Variants in TLE3 observed in about 807,000 individuals in gnomAD.
The protein encoded by TLE3 is transducin-like enhancer protein 3.
TLE3 carries 14 observed loss-of-function variants against 93.0 expected under a neutral mutation model. The observed-to-expected ratio is 0.15, with a 90% CI of 0.10 to 0.24. TLE3 has a LOEUF of 0.24. Among genes scored for constraint, TLE3 ranks in the 10% least tolerant of loss-of-function variants. TLE3 has a pLI of 1.00. For synonymous variants in TLE3, 451 were observed against 425.0 expected, an observed-to-expected ratio of 1.06 and a Z score of -0.75; for missense variants, 693 against 1,046.6, an observed-to-expected ratio of 0.66 and a Z score of 4.66.
intron 4 of TLE3, among the ~76,000 whole-genome samples, chr15:70,093,392 T>C (rs1334587986): frequency 6.6e-6 from 1 of 152,226 alleles, no homozygotes; most frequent in Non-Finnish European, 1.5e-5. Context: ...CAGGGTCACC[T>C]GCCCTTCTCA....
At chr15:70,076,229 G>A in intron 4 of TLE3, 71 bp from the exon 5 acceptor site, 1 of 1,415,180 alleles carries the variant, frequency 7.1e-7, no homozygotes, top group Non-Finnish European at 9.9e-7. Flanking sequence ...TAGGCAAGTG[G>A]AAATGCAAAC....
intron 2 of TLE3, 130 bp downstream of exon 2, chr15:70,096,031 A>T (rs1248945313): frequency 3.7e-6 from 4 of 1,088,760 alleles, no homozygotes; most frequent in Non-Finnish European, 5.1e-6. Context: ...GGGGAAACAA[A>T]AGGCGGAGGC....
In TLE3 at chr15:70,058,363, G is replaced by A; in HGVS notation, c.919-72C>T. ...CTCCTAGGAGCCGGGCACAACTGGT[G>A]CCGGTCCCAACGTGAAGCCCAGAGC... is the stretch of plus-strand genomic sequence containing the variant. On this transcript the variant is annotated intron_variant, in intron 11 of 19. Transcript: ENST00000451782. The surrounding 1 kb of genome is among the most constrained non-coding windows in gnomAD (Gnocchi z 4.1). The A allele has an allele frequency of 3.3e-6, 5 of 1,530,490 alleles. No individual in the cohort carries two copies. The highest frequency in any genetic ancestry group is 1.4e-5 in the African/African-American group (1 of 72,314). 94.8% of individuals were successfully genotyped at this position (1,530,490 alleles called of 1,614,324 possible).
chr15:70,076,602 A>G (rs1308818922), intron 4 of TLE3, among the ~76,000 whole-genome samples: 2 of 152,208 alleles, frequency 1.3e-5, no homozygotes, highest in Non-Finnish European at 2.9e-5. Context: ...AATGGGACTA[A>G]GCTGATAAGC....
chr15:70,082,365 GTTCT>G, intron 4 of TLE3, among the ~76,000 whole-genome samples: 1 of 152,138 alleles, frequency 6.6e-6, no homozygotes, highest in East Asian at 1.9e-4. Flanking sequence ...CTGGGGTGGG[GTTCT>G]CAGGCCCTGC....
At chr15:70,084,538 G>T (rs920637964) in intron 4 of TLE3, among the ~76,000 whole-genome samples, 4 of 152,178 alleles carry the variant, frequency 2.6e-5, no homozygotes, top group African/African-American at 9.7e-5. Flanking sequence ...TGGTGGTCTG[G>T]GGGTAGACAT....
rs141545965 is a variant in TLE3, at chr15:70,058,283, T to C, written c.927A>G (p.Lys309=). The C allele has an allele frequency of 1.8e-4, 296 of 1,606,772 alleles. 3 individuals carry two copies. In the East Asian group the frequency reaches 5.6e-3, roughly 31 times the overall value. ...TGGACTTGAGCCCAGGGGTGGAGGA[T>C]TTGTCGTTCTGAAGAGGGGAGATGC... ...SKTKDLGHND[K]SSTPGLKSNT... Residue 309 remains lysine (K), a synonymous_variant, in exon 12 of 20, where the codon AAA becomes AAG. Transcript: ENST00000451782. The surrounding 1 kb of genome is among the most constrained non-coding windows in gnomAD (Gnocchi z 4.1).
rs182167727 is a variant in TLE3 at position 70,074,310 on chromosome 15, C to T, written c.372+223G>A. 2.8e-3 allele frequency among the ~76,000 whole-genome samples: 429 copies of T among 152,284 alleles called. 2 individuals carry two copies. The highest frequency in any genetic ancestry group is 9.8e-3 in the African/African-American group (408 of 41,554). On this transcript the variant is annotated intron_variant, in intron 6 of 19. Transcript: ENST00000451782. ...GATGGCTGAAGAGGTGGATTTGAGGCGTGTCTGGCTCCCCTTTAGTTTGAG... is the reference window on the plus strand; with the variant it reads ...GATGGCTGAAGAGGTGGATTTGAGGTGTGTCTGGCTCCCCTTTAGTTTGAG...
In TLE3 at chr15:70,060,602, G is replaced by A; in HGVS notation, c.642C>T (p.His214=). Residue 214 remains histidine (H), a synonymous_variant, in exon 9 of 20, where the codon CAC becomes CAT. Transcript: ENST00000451782. ...CCATGCTGTAGTCCGCAGAGCCCCG[G>A]TGCTTCTCACTGGCCCGGAGGCTTT... ...PSESLRASEK[H]RGSADYSMEA... 6.2e-7 allele frequency: 1 copy of A among 1,613,996 alleles called. No homozygotes were observed. The highest frequency in any genetic ancestry group is 8.5e-7 in the Non-Finnish European group (1 of 1,179,884).
In TLE3 at chr15:70,055,255, C is replaced by T. The variant is rs1465835571; in HGVS notation, c.1372G>A (p.Val458Met). Reference protein sequence around the residue: ...HVSADGQMQPVPFPHDALAGP... With the variant: ...HVSADGQMQPMPFPHDALAGP... ...GCCAGGGCGTCGTGGGGGAAGGGCA[C>T]GGGCTGCATCTGCCCATCAGCACTC... The change falls in exon 15 of 20, where the codon GTG becomes ATG. Residue 458 changes from valine to methionine, a missense_variant. By Grantham distance (21) the Val-to-Met change is conservative. This residue lies in a region of TLE3 where 405 missense variants were observed against 468.9 expected (regional missense o/e 0.86). Coordinates refer to ENST00000451782, the MANE Select transcript of TLE3 (RefSeq NM_001105192.3). 4 of 1,606,468 alleles carry T rather than the reference C, an allele frequency of 2.5e-6. No homozygotes were observed. Among genetic ancestry groups the T allele is most frequent in the Admixed American group, 1.7e-5 (1 of 59,760 alleles).
intron 3 of TLE3, among the ~76,000 whole-genome samples, chr15:70,095,228 A>G (rs187358228): frequency 5.6e-4 from 86 of 152,300 alleles, no homozygotes; most frequent in African/African-American, 2.0e-3. Flanking sequence ...ACCAACCCTA[A>G]TTTCACATGG....
At chr15:70,091,345 A>C (rs1032544646) in intron 4 of TLE3, among the ~76,000 whole-genome samples, 1 of 152,264 alleles carries the variant, frequency 6.6e-6, no homozygotes, top group African/African-American at 2.4e-5. Flanking sequence ...CAGTGCCTCA[A>C]ATCCAATGCA....
chr15:70,089,846 GAAAC>G (rs1402800434), intron 4 of TLE3, among the ~76,000 whole-genome samples: 1 of 152,206 alleles, frequency 6.6e-6, no homozygotes, highest in Non-Finnish European at 1.5e-5. Flanking sequence ...CAACAAAATG[GAAAC>G]AAACAGCCTA....
At chr15:70,096,524 A>G in intron 1 of TLE3, 1 of 1,291,692 alleles carries the variant, frequency 7.7e-7, no homozygotes, top group African/African-American at 1.5e-5. Context: ...GTGAGTTGGG[A>G]GACTTCAGAG....
intron 7 of TLE3, 153 bp downstream of exon 7, chr15:70,065,861 C>T: frequency 1.2e-6 from 1 of 809,260 alleles, no homozygotes. Context: ...ATGGCATTGG[C>T]TTCCCTGCAC....
chr15:70,056,274 G>A, intron 14 of TLE3, 24 bp downstream of exon 14: 1 of 1,611,002 alleles, frequency 6.2e-7, no homozygotes, highest in South Asian at 1.1e-5. Context: ...TACAAAGCAT[G>A]CAGTAAGTAT....
intron 6 of TLE3, 112 bp from the exon 7 acceptor site, chr15:70,066,330 G>C: frequency 9.9e-7 from 1 of 1,011,996 alleles, no homozygotes; most frequent in South Asian, 1.9e-5. Flanking sequence ...CTCCTTCACT[G>C]GGTGGGTGGC....
At chr15:70,085,675 C>T (rs1346792863) in intron 4 of TLE3, among the ~76,000 whole-genome samples, 4 of 152,258 alleles carry the variant, frequency 2.6e-5, no homozygotes, top group African/African-American at 9.6e-5. Context: ...GACTGGGTGA[C>T]ATGGAGACCG....
chr15:70,060,378 C>A (rs1383131682), intron 9 of TLE3, among the ~76,000 whole-genome samples, 152 bp downstream of exon 9: 1 of 152,202 alleles, frequency 6.6e-6, no homozygotes, highest in East Asian at 1.9e-4. Flanking sequence ...TGTTCCCACC[C>A]TGCTCTCCTC....
Sources: gnomAD v4.1 joint callset for allele counts (sites outside exome capture counted in the v4.1 genomes callset) on GRCh38, gnomAD v4.1.1 for gene constraint, gnomAD v4.1.1 regional missense constraint, Gnocchi (gnomAD v3.1) non-coding constraint, MANE v1.5 for transcripts, NCBI Gene and HGNC (gene_info 2026-07-23, HGNC 2026-07-21) for gene names.